KYNU: variants seen among roughly 807,000 people sequenced by gnomAD.
KYNU encodes the protein L-kynurenine hydrolase.
KYNU carries 54 observed loss-of-function variants against 59.2 expected under a neutral mutation model. That is an observed-to-expected ratio of 0.91 (90% CI 0.73 to 1.14). KYNU has a LOEUF of 1.14. Among genes scored for constraint, KYNU ranks in the 50% most tolerant of loss-of-function variants. KYNU has a pLI of 0.00. For synonymous variants in KYNU, 177 were observed against 192.0 expected (o/e 0.92, Z 0.65); for missense variants, 567 against 554.4 (o/e 1.02, Z -0.23).
At chr2:143,012,251 G>A (rs1686127485) in intron 10 of KYNU, among the ~76,000 whole-genome samples, 1 of 152,072 alleles carries the variant, frequency 6.6e-6, no homozygotes, top group Non-Finnish European at 1.5e-5. Flanking sequence ...GGAGGCCGAG[G>A]CGGGTGGATC....
chr2:143,020,552 G>T (rs1195465447), intron 10 of KYNU, among the ~76,000 whole-genome samples: 1 of 152,122 alleles, frequency 6.6e-6, no homozygotes, highest in African/African-American at 2.4e-5. Context: ...CTAACATATG[G>T]TCTATCCTGG....
chr2:142,965,453 G>A (rs1558948437), intron 8 of KYNU, among the ~76,000 whole-genome samples: 1 of 152,050 alleles, frequency 6.6e-6, no homozygotes, highest in Non-Finnish European at 1.5e-5. Context: ...GAGGCAAGGG[G>A]CTGCTGGGGT....
intron 4 of KYNU, among the ~76,000 whole-genome samples, chr2:142,933,082 A>G (rs1265832150): frequency 6.6e-6 from 1 of 152,092 alleles, no homozygotes; most frequent in African/African-American, 2.4e-5. Flanking sequence ...CTTTGATGTT[A>G]TGGGTTGAAT....
At chr2:142,960,851 G>A in intron 8 of KYNU, 81 bp downstream of exon 8, 1 of 1,337,690 alleles carries the variant, frequency 7.5e-7, no homozygotes, top group South Asian at 1.2e-5. Context: ...GACTTGTGAA[G>A]TACTTTAGCT....
intron 10 of KYNU, among the ~76,000 whole-genome samples, chr2:142,986,631 T>G (rs1469330151): frequency 6.6e-6 from 1 of 151,874 alleles, no homozygotes; most frequent in Non-Finnish European, 1.5e-5. Flanking sequence ...ACCAACAAAC[T>G]TACACATTTT....
chr2:143,047,852 C>CTTTTTTTTTTTTTTTTTTTTTTTT lies in KYNU; in HGVS notation c.*5683_*5706dup, dbSNP rs61229238. ...GGCATAAGCTGCCACTCCTGGACCT[C>CTTTTTTTTTTTTTTTTTTTTTTTT]TTTTTTTTTTTTTTTTTTTTTTTTT... On this transcript the variant is annotated 3_prime_UTR_variant, in exon 14 of 14. Coordinates refer to ENST00000264170, the MANE Select transcript of KYNU (RefSeq NM_003937.3). 6.0e-5 allele frequency: 6 copies of CTTTTTTTTTTTTTTTTTTTTTTTT among 100,336 alleles called. 2 individuals carry two copies. Among genetic ancestry groups the CTTTTTTTTTTTTTTTTTTTTTTTT allele is most frequent in the African/African-American group, 1.3e-4 (3 of 23,330 alleles). The allele number at this position is 100,336 out of a possible 1,614,324, so 6.2% of individuals were successfully genotyped here.
intron 8 of KYNU, among the ~76,000 whole-genome samples, chr2:142,969,239 C>CGT (rs1684640460): frequency 6.6e-6 from 1 of 151,856 alleles, no homozygotes; most frequent in South Asian, 2.1e-4. Context: ...TGTATATGTA[C>CGT]GTGTATATAT....
chr2:142,883,130 C>CAATGGTTTTGGGGTTT (rs1681358474), intron 1 of KYNU, among the ~76,000 whole-genome samples: 2 of 151,734 alleles, frequency 1.3e-5, no homozygotes, highest in South Asian at 4.2e-4. Flanking sequence ...CAAAACTCCC[C>CAATGGTTTTGGGGTTT]AATGGTATCC....
intron 8 of KYNU, among the ~76,000 whole-genome samples, chr2:142,965,269 C>T (rs1024241355): frequency 1.4e-4 from 21 of 152,198 alleles, no homozygotes; most frequent in Admixed American, 6.5e-5. Flanking sequence ...TGGACCAGTA[C>T]ACTCAGCTTT....
chr2:142,960,151 T>G (rs1342048926), intron 7 of KYNU, among the ~76,000 whole-genome samples: 2 of 152,232 alleles, frequency 1.3e-5, no homozygotes. Flanking sequence ...CATCCCAAAG[T>G]GCCAGGATTA....
intron 4 of KYNU, among the ~76,000 whole-genome samples, chr2:142,933,108 C>T (rs1683280847): frequency 1.3e-5 from 2 of 152,108 alleles, no homozygotes; most frequent in African/African-American, 4.8e-5. Flanking sequence ...GTTAGGTTGG[C>T]ATGGAGAGAT....
chr2:142,936,531 A>G (rs1021732811), intron 4 of KYNU, among the ~76,000 whole-genome samples: 3 of 152,118 alleles, frequency 2.0e-5, no homozygotes, highest in African/African-American at 7.2e-5. Context: ...CTGGAGGGAG[A>G]CGATAAAAGG....
At chr2:142,921,675 G>A (rs1385884589) in intron 3 of KYNU, among the ~76,000 whole-genome samples, 2 of 152,130 alleles carry the variant, frequency 1.3e-5, no homozygotes, top group African/African-American at 2.4e-5. Flanking sequence ...TGGGCATGGT[G>A]GTGCATGCCT....
intron 12 of KYNU, among the ~76,000 whole-genome samples, chr2:143,039,070 C>T (rs1686965499): frequency 6.6e-6 from 1 of 152,070 alleles, no homozygotes; most frequent in African/African-American, 2.4e-5. Context: ...ATTGTGTGCC[C>T]TTGTCACTCA....
At chr2:142,891,208 A>T (rs1171574096) in intron 2 of KYNU, among the ~76,000 whole-genome samples, 1 of 152,204 alleles carries the variant, frequency 6.6e-6, no homozygotes, top group Non-Finnish European at 1.5e-5. Flanking sequence ...CAATTTAATA[A>T]TTTTTAGTAA....
chr2:142,979,647 C>G (rs1243856752), intron 8 of KYNU, among the ~76,000 whole-genome samples: 1 of 151,882 alleles, frequency 6.6e-6, no homozygotes, highest in African/African-American at 2.4e-5. Flanking sequence ...TCATACAGAT[C>G]TTTAGTCATA....
At chr2:142,968,639 C>T (rs919648622) in intron 8 of KYNU, among the ~76,000 whole-genome samples, 10 of 152,234 alleles carry the variant, frequency 6.6e-5, no homozygotes, top group South Asian at 4.1e-4. Flanking sequence ...GTTGCGTGGG[C>T]GCCGTAGCTC....
chr2:142,989,800 C>A (rs1685341443), intron 10 of KYNU: 1 of 151,818 alleles, frequency 6.6e-6, no homozygotes, highest in African/African-American at 2.4e-5. Context: ...GGGTGACCCA[C>A]CTGGTGTAGA....
intron 2 of KYNU, among the ~76,000 whole-genome samples, chr2:142,907,110 A>G (rs2104960855): frequency 6.6e-6 from 1 of 152,272 alleles, no homozygotes; most frequent in East Asian, 1.9e-4. Flanking sequence ...GAATCCCCAT[A>G]CGAGGCCACC....
Sources: allele counts gnomAD v4.1 joint callset (sites outside exome capture counted in the v4.1 genomes callset), GRCh38; gene constraint gnomAD v4.1.1; transcripts MANE v1.5; gene names NCBI Gene and HGNC (gene_info 2026-07-23, HGNC 2026-07-21).